The following TMPRSS2 variants were observed in gnomAD, a reference collection of about 807,000 sequenced individuals.
TMPRSS2 encodes transmembrane serine protease 2, also known as transmembrane protease serine 2.
TMPRSS2 carries 59 observed loss-of-function variants against 67.4 expected under a neutral mutation model. That is an observed-to-expected ratio of 0.88 (90% confidence interval 0.71 to 1.09). The LOEUF is 1.09. Among genes scored for constraint, TMPRSS2 ranks in the 50% least tolerant of loss-of-function variants. TMPRSS2 has a pLI of 0.00. For missense variants in TMPRSS2, 668 were observed against 642.7 expected, an observed-to-expected ratio of 1.04 and a Z score of -0.43; for synonymous variants, 257 against 257.0, an observed-to-expected ratio of 1.00 and a Z score of 0.00.
chr21:41,470,846 T>G, intron 10 of TMPRSS2, 103 bp from the exon 11 acceptor site: 6 of 808,674 alleles, frequency 7.4e-6, no homozygotes, highest in African/African-American at 1.7e-5. Context: ...CTGGCCACCC[T>G]GCCCAGAGGA....
intron 5 of TMPRSS2, among the ~76,000 whole-genome samples, chr21:41,483,620 A>C (rs1438661414): frequency 1.3e-5 from 2 of 151,954 alleles, no homozygotes; most frequent in African/African-American, 4.8e-5. Flanking sequence ...ATGATTAAAA[A>C]CAAAACTGCC....
At position 41,480,540 on chromosome 21, in the gene TMPRSS2, G is replaced by C. The variant is rs2146451974; in HGVS notation, c.508C>G (p.Pro170Ala). ...VYSSQRKSWH[P>A]VCQDDWNENY... ...TCGTTCCAGTCGTCTTGGCACACAG[G>C]GTGCCAGGACTTCCTCTGAGATGAG... is the stretch of plus-strand genomic sequence containing the variant. The change falls in exon 6 of 14, where the codon CCT (proline) becomes GCT (alanine). Residue 170 changes from proline (P) to alanine (A), a missense_variant. By Grantham distance (27) the Pro-to-Ala change is conservative (BLOSUM62 -1). Transcript: ENST00000332149. The C allele has an allele frequency of 6.2e-7, 1 of 1,613,804 alleles. No homozygotes were observed. Among genetic ancestry groups the C allele is most frequent in the Non-Finnish European group, 8.5e-7 (1 of 1,180,016 alleles).
At chr21:41,488,658 G>A in intron 4 of TMPRSS2, 145 bp from the exon 5 acceptor site, 2 of 1,000,744 alleles carry the variant, frequency 2.0e-6, no homozygotes, top group African/African-American at 3.2e-5. Flanking sequence ...TTGTTTTTGA[G>A]ATGAAGTCTC....
chr21:41,487,284 A>T (rs2091305702), intron 5 of TMPRSS2: 1 of 152,278 alleles, frequency 6.6e-6, no homozygotes, highest in Admixed American at 6.5e-5. Flanking sequence ...AACAAGCCAG[A>T]CACAGAGACA....
At chr21:41,481,073 T>G (rs2091253907) in intron 5 of TMPRSS2, among the ~76,000 whole-genome samples, 1 of 152,138 alleles carries the variant, frequency 6.6e-6, no homozygotes, top group Non-Finnish European at 1.5e-5. Flanking sequence ...CTTTTTCTGC[T>G]AAAAAGTGCT....
chr21:41,505,835 C>A (rs1424962049), intron 1 of TMPRSS2, among the ~76,000 whole-genome samples: 1 of 152,176 alleles, frequency 6.6e-6, no homozygotes, highest in African/African-American at 2.4e-5. Context: ...GTCACTAAAG[C>A]CCCTTCTAAG....
chr21:41,507,958 C>A (rs947759710), intron 1 of TMPRSS2, 123 bp downstream of exon 1: 1 of 1,477,940 alleles, frequency 6.8e-7, no homozygotes. Context: ...ACCTGCCGCG[C>A]CGCGCTCCTC....
intron 7 of TMPRSS2, among the ~76,000 whole-genome samples, 168 bp from the exon 8 acceptor site, chr21:41,476,788 G>A (rs1258118129): frequency 1.3e-5 from 2 of 152,206 alleles, no homozygotes; most frequent in African/African-American, 2.4e-5. Flanking sequence ...TATAGGGACA[G>A]TGGCAAAGAC....
chr21:41,469,147 T>C (rs1176903363), intron 11 of TMPRSS2, among the ~76,000 whole-genome samples: 1 of 151,898 alleles, frequency 6.6e-6, no homozygotes, highest in Non-Finnish European at 1.5e-5. Flanking sequence ...CAACCAATAT[T>C]TCCTGGCTTG....
chr21:41,488,573 G>A, intron 4 of TMPRSS2, 60 bp from the exon 5 acceptor site: 2 of 1,544,614 alleles, frequency 1.3e-6, no homozygotes, highest in Non-Finnish European at 8.8e-7. Flanking sequence ...GAGCCTCATG[G>A]AGTGAGGAAC....
chr21:41,499,324 C>T lies in TMPRSS2; in HGVS notation c.-56-1135G>A, dbSNP rs149424945. Among the ~76,000 whole-genome samples, 9 of 152,340 alleles carry T rather than the reference C, an allele frequency of 5.9e-5. No homozygotes were observed. The East Asian group carries it at 1.7e-3, about 29-fold the overall frequency. ...GCTGTATAGTAAAGCCGCATTCTGACATCACTCTCCATGGACAAAGATTCT... is the reference window on the plus strand; with the variant it reads ...GCTGTATAGTAAAGCCGCATTCTGATATCACTCTCCATGGACAAAGATTCT... On this transcript the variant is annotated intron_variant, in intron 1 of 13. Coordinates refer to ENST00000332149, the MANE Select transcript of TMPRSS2 (RefSeq NM_005656.4).
chr21:41,495,005 A>C (rs1460495105), intron 2 of TMPRSS2, among the ~76,000 whole-genome samples: 1 of 151,074 alleles, frequency 6.6e-6, no homozygotes, highest in Non-Finnish European at 1.5e-5. Context: ...GGAGGCAGAG[A>C]TTGCAGTGAG....
In TMPRSS2 at chr21:41,494,512, C is replaced by A. The variant is rs61735791; in HGVS notation, c.82G>T (p.Ala28Ser). The A allele has an allele frequency of 1.2e-6, 2 of 1,613,846 alleles. No homozygotes were observed. The highest frequency in any genetic ancestry group is 1.7e-6 in the Non-Finnish European group (2 of 1,179,972). Reference sequence around the variant, plus strand: ...ACAGTGGGGACCACAGTGGGCTGTGCGGGATAGGGGTTTTCCGGTTGGTAT... The same window carrying A: ...ACAGTGGGGACCACAGTGGGCTGTGAGGGATAGGGGTTTTCCGGTTGGTAT... ...HGYQPENPYPAQPTVVPTVYE... is the reference protein window; with the variant it reads ...HGYQPENPYPSQPTVVPTVYE... The change falls in exon 3 of 14, where the codon GCA becomes TCA. Residue 28 changes from alanine to serine, a missense_variant. Physicochemically the swap from Ala to Ser is moderately conservative, Grantham distance 99. Coordinates refer to ENST00000332149, the MANE Select transcript of TMPRSS2 (RefSeq NM_005656.4).
At chr21:41,499,687 C>T (rs1272391091) in intron 1 of TMPRSS2, among the ~76,000 whole-genome samples, 1 of 152,198 alleles carries the variant, frequency 6.6e-6, no homozygotes, top group Non-Finnish European at 1.5e-5. Context: ...ATACTGTACT[C>T]AAGCGGATCC....
intron 1 of TMPRSS2, chr21:41,502,378 C>A: frequency 1.1e-5 from 11 of 984,776 alleles, no homozygotes; most frequent in Non-Finnish European, 1.3e-5. Context: ...CTGACCTCAC[C>A]GTGCACCATT....
intron 8 of TMPRSS2, among the ~76,000 whole-genome samples, chr21:41,473,925 GAGTGAGTGAGGAGTGAGGA>G (rs2091159318): frequency 8.5e-6 from 1 of 118,130 alleles, no homozygotes; most frequent in Non-Finnish European, 1.8e-5. Flanking sequence ...GTGAGTGAGG[GAGTGAGTGAGGAGTGAGGA>G]GGTGAGGGGG....
chr21:41,505,967 C>T (rs2091454921), intron 1 of TMPRSS2, among the ~76,000 whole-genome samples: 1 of 152,244 alleles, frequency 6.6e-6, no homozygotes, highest in Non-Finnish European at 1.5e-5. Flanking sequence ...GCTTCCCAAC[C>T]TCTCTTCCCC....
intron 4 of TMPRSS2, among the ~76,000 whole-genome samples, chr21:41,488,921 G>A (rs575952961): frequency 1.3e-5 from 2 of 152,300 alleles, no homozygotes; most frequent in East Asian, 3.9e-4. Flanking sequence ...GATAACAGGC[G>A]TGAGCCACCT....
chr21:41,492,597 C>T lies in TMPRSS2; in HGVS notation c.238+1759G>A, dbSNP rs149275684. ...CAACAGTGTTTTCTTAAAAATAGTACCAGGGTAAGTTCAATTAAATTACTA... is the reference window on the plus strand; with the variant it reads ...CAACAGTGTTTTCTTAAAAATAGTATCAGGGTAAGTTCAATTAAATTACTA... On this transcript the variant is annotated intron_variant, in intron 3 of 13. Coordinates refer to ENST00000332149, the MANE Select transcript of TMPRSS2 (RefSeq NM_005656.4). Among the ~76,000 whole-genome samples, 6 of 152,216 alleles carry T rather than the reference C, an allele frequency of 3.9e-5. No individual in the cohort carries two copies. In the East Asian group the frequency reaches 1.2e-3, roughly 29 times the overall value.
Sources: allele counts gnomAD v4.1 joint callset (sites outside exome capture counted in the v4.1 genomes callset), GRCh38; gene constraint gnomAD v4.1.1; transcripts MANE v1.5; gene names NCBI Gene and HGNC (gene_info 2026-07-23, HGNC 2026-07-21).